Variants in TAS2R1 observed in about 807,000 individuals in gnomAD.
The protein encoded by TAS2R1 is taste receptor type 2 member 1.
For missense variants in TAS2R1, 370 were observed against 353.4 expected, an observed-to-expected ratio of 1.05 and a Z score of -0.38; for synonymous variants, 141 against 134.2, an observed-to-expected ratio of 1.05 and a Z score of -0.35.
upstream of TAS2R1, chr5:9,630,441 A>C (rs116383908): frequency 6.4e-3 from 1,094 of 171,678 alleles, 19 homozygotes; most frequent in African/African-American, 0.025. Context: ...ATTCTACTTA[A>C]TGTTATCGTG....
chr5:9,783,229 A>G, the TAS2R1 span, among the ~76,000 whole-genome samples: 2 of 152,182 alleles, frequency 1.3e-5, no homozygotes, highest in Admixed American at 1.3e-4. Context: ...CTCTCCTCAT[A>G]TACTTAAATC....
chr5:9,681,253 G>GT (rs1221587055), intron 1 of TAS2R1, among the ~76,000 whole-genome samples: 1 of 151,938 alleles, frequency 6.6e-6, no homozygotes, highest in African/African-American at 2.4e-5. Context: ...CTCTATTAAT[G>GT]TAAGATGATA....
intron 1 of TAS2R1, among the ~76,000 whole-genome samples, chr5:9,695,764 A>G (rs868635730): frequency 4.6e-5 from 7 of 152,314 alleles, no homozygotes; most frequent in Non-Finnish European, 8.8e-5. Context: ...CCTCAGTCAG[A>G]AATTAACCAC....
chr5:9,731,149 C>A, the TAS2R1 span, among the ~76,000 whole-genome samples: 1 of 152,052 alleles, frequency 6.6e-6, no homozygotes, highest in Non-Finnish European at 1.5e-5. Flanking sequence ...CTGACCTGCT[C>A]GCAGCCAGCC....
chr5:9,629,794 G>T lies in TAS2R1; in HGVS notation c.239C>A (p.Ala80Glu). The T allele has an allele frequency of 2.5e-6, 4 of 1,613,808 alleles. No individual in the cohort carries two copies. The highest frequency in any genetic ancestry group is 3.4e-6 in the Non-Finnish European group (4 of 1,179,868). ...TATAAATAAGAGAATTGCACAATTCGCAGAACACATGATGAATTCTATGAA... is the reference window on the plus strand; with the variant it reads ...TATAAATAAGAGAATTGCACAATTCTCAGAACACATGATGAATTCTATGAA... ...IFFIEFIMCS[A>E]NCAILLFINE... The change falls in exon 1 of 1, where the codon GCG (alanine) becomes GAG (glutamate). Residue 80 changes from alanine (A) to glutamate (E), a missense_variant. Physicochemically the swap from Ala to Glu is moderately radical, Grantham distance 107. Coordinates refer to ENST00000382492, the MANE Select transcript of TAS2R1 (RefSeq NM_019599.3).
At position 9,629,369 on chromosome 5, in the gene TAS2R1, C is replaced by A. The variant is rs1739822750; in HGVS notation, c.664G>T (p.Ala222Ser). The A allele has an allele frequency of 6.2e-7, 1 of 1,613,898 alleles. No individual in the cohort carries two copies. The highest frequency in any genetic ancestry group is 1.7e-5 in the Admixed American group (1 of 59,986). ...VAGSRVPGRGAPISALLSILS... is the reference protein window; with the variant it reads ...VAGSRVPGRGSPISALLSILS... ...ATAGACAGCAACGCGCTGATGGGTG[C>A]ACCCCTGCCAGGAACCCTGCTGCCG... The change falls in exon 1 of 1, where the codon GCA (alanine) becomes TCA (serine). Residue 222 changes from alanine (A) to serine (S), a missense_variant. Ala to Ser is a moderately conservative substitution (Grantham distance 99). Coordinates refer to ENST00000382492, the MANE Select transcript of TAS2R1 (RefSeq NM_019599.3).
the TAS2R1 span, among the ~76,000 whole-genome samples, chr5:9,817,503 T>C: frequency 1.3e-5 from 2 of 152,176 alleles, no homozygotes; most frequent in Admixed American, 1.3e-4. Context: ...GTAACAAGTA[T>C]GGGGTTTCTT....
chr5:9,814,261 G>A, the TAS2R1 span, among the ~76,000 whole-genome samples: 1 of 151,684 alleles, frequency 6.6e-6, no homozygotes, highest in Non-Finnish European at 1.5e-5. Context: ...CAGATTTATT[G>A]TTAATTGATA....
At chr5:9,796,293 C>T in the TAS2R1 span, among the ~76,000 whole-genome samples, 6 of 152,194 alleles carry the variant, frequency 3.9e-5, no homozygotes. Context: ...CTTTCATTGA[C>T]TCACTGCTCA....
At chr5:9,753,223 A>T in the TAS2R1 span, among the ~76,000 whole-genome samples, 8 of 152,254 alleles carry the variant, frequency 5.3e-5, no homozygotes, top group Middle Eastern at 3.4e-3. Context: ...GTTTCCTGAC[A>T]TTTTAATGAT....
chr5:9,836,656 G>C, the TAS2R1 span, among the ~76,000 whole-genome samples: 2 of 152,188 alleles, frequency 1.3e-5, no homozygotes, highest in Non-Finnish European at 2.9e-5. Context: ...ATTAAACATA[G>C]TGAGATAATA....
At chr5:9,813,931 G>T in the TAS2R1 span, among the ~76,000 whole-genome samples, 3 of 152,074 alleles carry the variant, frequency 2.0e-5, no homozygotes, top group South Asian at 4.1e-4. Context: ...TCTCTTCCAA[G>T]ATTTTTCCTT....
chr5:9,828,273 C>T, the TAS2R1 span, among the ~76,000 whole-genome samples: 516 of 151,872 alleles, frequency 3.4e-3, 5 homozygotes, highest in African/African-American at 0.012. Flanking sequence ...TTACAGGCAT[C>T]CACCACCATG....
At chr5:9,756,073 T>C in the TAS2R1 span, among the ~76,000 whole-genome samples, 1 of 152,236 alleles carries the variant, frequency 6.6e-6, no homozygotes, top group African/African-American at 2.4e-5. Context: ...ATGGAGTTGC[T>C]CTGGTTCAAA....
chr5:9,715,100 C>T (rs530462315), upstream of TAS2R1, among the ~76,000 whole-genome samples: 4 of 152,328 alleles, frequency 2.6e-5, no homozygotes, highest in African/African-American at 9.6e-5. Flanking sequence ...ACACACACTT[C>T]AAGAGGGAGA....
chr5:9,903,592 G>T, the TAS2R1 span: 1 of 151,922 alleles, frequency 6.6e-6, no homozygotes, highest in Non-Finnish European at 1.5e-5. Flanking sequence ...TTCCATTTCC[G>T]AGTTACTTCA....
At chr5:9,818,827 G>A in the TAS2R1 span, among the ~76,000 whole-genome samples, 1 of 152,148 alleles carries the variant, frequency 6.6e-6, no homozygotes, top group African/African-American at 2.4e-5. Flanking sequence ...GACACAAGGA[G>A]GGGAAACATG....
the TAS2R1 span, among the ~76,000 whole-genome samples, chr5:9,861,037 G>GTTTTTTGTTTTTTTTTTT: frequency 1.1e-5 from 1 of 88,612 alleles, no homozygotes; most frequent in Non-Finnish European, 2.2e-5. Flanking sequence ...GGAAGATGAG[G>GTTTTTTGTTTTTTTTTTT]TTTTTTTTTT....
At chr5:9,837,445 G>T in the TAS2R1 span, among the ~76,000 whole-genome samples, 1 of 152,224 alleles carries the variant, frequency 6.6e-6, no homozygotes, top group African/African-American at 2.4e-5. Context: ...GATGCTAATT[G>T]CTCGGAGCAT....
Sources: gnomAD v4.1 joint callset for allele counts (sites outside exome capture counted in the v4.1 genomes callset) on GRCh38, gnomAD v4.1.1 for gene constraint, MANE v1.5 for transcripts, NCBI Gene and HGNC (gene_info 2026-07-23, HGNC 2026-07-21) for gene names.